HOMER2: variants seen among roughly 807,000 people sequenced by gnomAD.
The protein encoded by HOMER2 is homer scaffold protein 2, also known as homer protein homolog 2.
In HOMER2, 27 loss-of-function variants were observed where a neutral mutation model predicts 47.0. The ratio of observed to expected loss-of-function variants is 0.57; its 90% CI spans 0.42 to 0.79. The LOEUF (loss-of-function observed/expected upper bound fraction) is 0.79, where lower values mean the gene tolerates loss of function less well. Ranked by LOEUF, HOMER2 falls within the 30% of genes least tolerant of loss-of-function variation. The probability of loss-of-function intolerance (pLI) is 0.00; values close to 1 mark genes in which losing one functional copy is unlikely to be tolerated. For synonymous variants in HOMER2, 161 were observed against 163.8 expected (o/e 0.98, Z 0.13); for missense variants, 443 against 435.0 (o/e 1.02, Z -0.16).
At chr15:82,984,892 G>T (rs2030537896) in intron 1 of HOMER2, among the ~76,000 whole-genome samples, 1 of 152,112 alleles carries the variant, frequency 6.6e-6, no homozygotes, top group African/African-American at 2.4e-5. Flanking sequence ...TTAGATAAAG[G>T]CCTGTTTACA....
At chr15:82,846,525 A>C (rs1350612963), downstream of HOMER2, 1 of 152,218 alleles carries the variant, frequency 6.6e-6, no homozygotes, top group Non-Finnish European at 1.5e-5. Flanking sequence ...AAGGGACTAG[A>C]GTGGCATGTC....
upstream of HOMER2, among the ~76,000 whole-genome samples, chr15:82,957,433 GAATT>G (rs2054596255): frequency 6.6e-6 from 1 of 152,114 alleles, no homozygotes; most frequent in East Asian, 1.9e-4. Flanking sequence ...TATTGTGACT[GAATT>G]AATATTGTCA....
At position 82,879,240 on chromosome 15, in the gene HOMER2, A is replaced by T. The variant is rs1018513820; in HGVS notation, c.163-3836T>A. ...TCGTAGTTTGCAGGCTCATGCCTGTAATCCCAGCACTTTGGGAGGCAAAGG... is the reference window on the plus strand; with the variant it reads ...TCGTAGTTTGCAGGCTCATGCCTGTTATCCCAGCACTTTGGGAGGCAAAGG... On this transcript the variant is annotated intron_variant, in intron 2 of 8. Coordinates refer to ENST00000450735, the MANE Select transcript of HOMER2 (RefSeq NM_004839.4). 2.0e-5 allele frequency among the ~76,000 whole-genome samples: 3 copies of T among 152,190 alleles called. No individual in the cohort carries two copies. In the South Asian group the frequency reaches 6.2e-4, roughly 31 times the overall value.
In HOMER2 at chr15:82,913,617, G is replaced by A. The variant is rs1596348524; in HGVS notation, c.6-20776C>T. Among the ~76,000 whole-genome samples, 1 of 152,308 alleles carries A rather than the reference G, an allele frequency of 6.6e-6. No individual in the cohort carries two copies. Among genetic ancestry groups the A allele is most frequent in the South Asian group, 2.1e-4 (1 of 4,830 alleles). On this transcript the variant is annotated intron_variant, in intron 1 of 8. Coordinates refer to ENST00000450735, the MANE Select transcript of HOMER2 (RefSeq NM_004839.4). The surrounding 1 kb of genome is among the most constrained non-coding windows in gnomAD (Gnocchi z 4.1). The stretch of plus-strand genomic sequence containing the variant: ...AAGCAACACAAACCCCTGCTTAGAA[G>A]AGTAAACTATTGACGGTAGACAGCA...
intron 1 of HOMER2, among the ~76,000 whole-genome samples, chr15:82,932,889 T>C (rs1316230671): frequency 6.6e-6 from 1 of 152,122 alleles, no homozygotes; most frequent in Non-Finnish European, 1.5e-5. Flanking sequence ...CTCCCTCAGA[T>C]GCCCACACAG....
chr15:82,940,744 T>A (rs949384460), intron 1 of HOMER2, among the ~76,000 whole-genome samples: 3 of 151,204 alleles, frequency 2.0e-5, no homozygotes, highest in Non-Finnish European at 4.4e-5. Flanking sequence ...AAAAAAAAAA[T>A]TAGCTGTGTA....
chr15:82,960,017 C>A (rs1020677483), intron 1 of HOMER2, among the ~76,000 whole-genome samples: 7 of 152,090 alleles, frequency 4.6e-5, no homozygotes, highest in African/African-American at 1.7e-4. Context: ...AGCAGCACAA[C>A]GAGAAGGTGC....
chr15:82,902,802 C>T (rs2053163690), intron 1 of HOMER2, among the ~76,000 whole-genome samples: 1 of 152,068 alleles, frequency 6.6e-6, no homozygotes, highest in South Asian at 2.1e-4. Context: ...ATACTGAGGG[C>T]TTTTATATTC....
chr15:82,949,933 G>T (rs927152476), intron 1 of HOMER2, among the ~76,000 whole-genome samples: 39 of 152,112 alleles, frequency 2.6e-4, no homozygotes, highest in Non-Finnish European at 2.2e-4. Context: ...AGAAGACCCC[G>T]GAGAGAAAGG....
chr15:82,962,511 T>C (rs2054640205), intron 1 of HOMER2, among the ~76,000 whole-genome samples: 1 of 151,966 alleles, frequency 6.6e-6, no homozygotes, highest in South Asian at 2.1e-4. Flanking sequence ...ATGCTGTCTC[T>C]ACTAAAAATA....
intron 4 of HOMER2, among the ~76,000 whole-genome samples, chr15:82,861,490 G>A (rs2051787113): frequency 6.6e-6 from 1 of 152,148 alleles, no homozygotes; most frequent in African/African-American, 2.4e-5. Flanking sequence ...ATATCTTCAA[G>A]TGGTGAGAAG....
intron 1 of HOMER2, among the ~76,000 whole-genome samples, chr15:82,895,922 T>C (rs1479217360): frequency 6.6e-6 from 1 of 152,172 alleles, no homozygotes; most frequent in African/African-American, 2.4e-5. Flanking sequence ...GATTTTTACT[T>C]TCAAGGAAGC....
chr15:82,923,996 A>G (rs1197728080), intron 1 of HOMER2, among the ~76,000 whole-genome samples: 7 of 152,184 alleles, frequency 4.6e-5, no homozygotes, highest in African/African-American at 1.7e-4. Flanking sequence ...TGTGTCAACA[A>G]AGAGGTGAGA....
chr15:82,923,070 G>A (rs892054342), intron 1 of HOMER2, among the ~76,000 whole-genome samples: 7 of 152,130 alleles, frequency 4.6e-5, no homozygotes, highest in African/African-American at 9.7e-5. Context: ...ACTCGTGGCC[G>A]TCATATGTTA....
intron 2 of HOMER2, among the ~76,000 whole-genome samples, chr15:82,889,094 A>G (rs2052630666): frequency 2.0e-5 from 3 of 152,172 alleles, no homozygotes; most frequent in Admixed American, 6.5e-5. Context: ...GAGAGGCAGG[A>G]CTCAGGCACT....
At chr15:82,945,359 T>C (rs1199630263) in intron 1 of HOMER2, among the ~76,000 whole-genome samples, 1 of 152,190 alleles carries the variant, frequency 6.6e-6, no homozygotes, top group Admixed American at 6.5e-5. Flanking sequence ...GTTATTGGCA[T>C]GTAAAGATGT....
intron 1 of HOMER2, among the ~76,000 whole-genome samples, chr15:82,916,710 C>G (rs1341770354): frequency 2.0e-5 from 3 of 152,128 alleles, no homozygotes; most frequent in African/African-American, 7.2e-5. Flanking sequence ...AAAGATGACA[C>G]AAGCTGGATG....
intron 2 of HOMER2, among the ~76,000 whole-genome samples, chr15:82,884,570 C>T (rs2052594750): frequency 3.9e-5 from 1 of 25,374 alleles, no homozygotes; most frequent in Non-Finnish European, 6.1e-5. Context: ...CTTTTATTTC[C>T]TTGAGCAGTG....
chr15:82,924,972 C>A (rs552462179), intron 1 of HOMER2, among the ~76,000 whole-genome samples: 19 of 152,326 alleles, frequency 1.2e-4, no homozygotes, highest in African/African-American at 4.3e-4. Flanking sequence ...CCACTCTTCT[C>A]CCAGACCACC....
Sources: allele counts gnomAD v4.1 joint callset (sites outside exome capture counted in the v4.1 genomes callset), GRCh38; gene constraint gnomAD v4.1.1; non-coding constraint Gnocchi (gnomAD v3.1); transcripts MANE v1.5; gene names NCBI Gene and HGNC (gene_info 2026-07-23, HGNC 2026-07-21).